SUN3: variants seen among roughly 807,000 people sequenced by gnomAD.
The protein encoded by SUN3 is SUN domain-containing protein 3.
SUN3 carries 36 observed loss-of-function variants against 48.2 expected under a neutral mutation model. That is an observed-to-expected ratio of 0.75 (90% CI 0.57 to 0.99). The LOEUF (loss-of-function observed/expected upper bound fraction) is 0.99. SUN3 is among the 50% of genes least tolerant of loss of function. The pLI is 0.00. For synonymous variants in SUN3, 148 were observed against 147.9 expected, an observed-to-expected ratio of 1.00 and a Z score of 0.00; for missense variants, 419 against 433.1, an observed-to-expected ratio of 0.97 and a Z score of 0.29.
intron 6 of SUN3, among the ~76,000 whole-genome samples, chr7:47,999,856 G>T (rs1272740728): frequency 6.6e-6 from 1 of 152,188 alleles, no homozygotes; most frequent in African/African-American, 2.4e-5. Context: ...TTCTCCATTA[G>T]CTTTTGGATA....
In SUN3 at chr7:47,999,770, A is replaced by T. The variant is rs112073323; in HGVS notation, c.578-3624T>A. The stretch of plus-strand genomic sequence containing the variant: ...GGCTGGTCTCGAACTCCTGACCTCA[A>T]TTGATCCGCCTGCCTTGGCCTCCCA... On this transcript the variant is annotated intron_variant, in intron 6 of 9. Transcript: ENST00000297325. Among the ~76,000 whole-genome samples, 455 of 152,270 alleles carry T rather than the reference A, an allele frequency of 3.0e-3. 6 individuals carry two copies. The highest frequency in any genetic ancestry group is 0.01 in the African/African-American group (424 of 41,568).
Position 48,007,351 on chromosome 7 carries a change from G to A in SUN3, c.330-24C>T, listed in dbSNP as rs768718106. The A allele has an allele frequency of 6.8e-6, 11 of 1,606,986 alleles. No homozygotes were observed. The African/African-American group carries it at 1.2e-4, about 18-fold the overall frequency. On this transcript the variant is annotated intron_variant, in intron 4 of 9. Transcript: ENST00000297325. The stretch of plus-strand genomic sequence containing the variant: ...TCCTGTAAAGGGAAAATCTCAGCAT[G>A]AGAGGAAGAAAGTGTAAAGCTCCTG...
At chr7:48,005,924 T>G in intron 6 of SUN3, 45 bp downstream of exon 6, 25 of 1,292,520 alleles carry the variant, frequency 1.9e-5, no homozygotes, top group Non-Finnish European at 2.6e-5. Context: ...TCCTGAAGCA[T>G]TCTTTTTTTT....
chr7:48,001,349 A>G (rs1562602417), intron 6 of SUN3, among the ~76,000 whole-genome samples: 1 of 151,876 alleles, frequency 6.6e-6, no homozygotes, highest in Non-Finnish European at 1.5e-5. Context: ...TTGGTTTTCT[A>G]TTCCTGTGTT....
At position 47,990,268 on chromosome 7, in the gene SUN3, A is replaced by C. The variant is rs530559313; in HGVS notation, c.862-1388T>G. Reference sequence around the variant, plus strand: ...ACCGCCTTAGGGCTGGAGGTAAGACATGCTGGCAGCAATATTGCTCTTTAA... The same window carrying C: ...ACCGCCTTAGGGCTGGAGGTAAGACCTGCTGGCAGCAATATTGCTCTTTAA... On this transcript the variant is annotated intron_variant, in intron 8 of 9. Coordinates refer to ENST00000297325, the MANE Select transcript of SUN3 (RefSeq NM_001030019.2). Among the ~76,000 whole-genome samples, 44 of 152,330 alleles carry C rather than the reference A, an allele frequency of 2.9e-4. No individual in the cohort carries two copies. In the Middle Eastern group the frequency reaches 0.014, roughly 47 times the overall value.
upstream of SUN3, among the ~76,000 whole-genome samples, chr7:48,032,175 A>G (rs12537979): frequency 0.46 from 70,339 of 152,088 alleles, 16,859 homozygotes; most frequent in African/African-American, 0.6. Context: ...AATACATTCC[A>G]GGGATCGAAT....
At chr7:48,020,988 A>G (rs1437582988) in intron 2 of SUN3, among the ~76,000 whole-genome samples, 1 of 152,170 alleles carries the variant, frequency 6.6e-6, no homozygotes, top group Non-Finnish European at 1.5e-5. Context: ...CTAAGCAAAA[A>G]GAAGAAAATT....
chr7:47,992,428 T>C (rs1014656951), intron 8 of SUN3, among the ~76,000 whole-genome samples: 1 of 152,136 alleles, frequency 6.6e-6, no homozygotes, highest in African/African-American at 2.4e-5. Context: ...GGAATATGTA[T>C]AGAAACAAGA....
chr7:47,989,028 A>G (rs2128768741), intron 8 of SUN3, 148 bp from the exon 9 acceptor site: 1 of 487,474 alleles, frequency 2.1e-6, no homozygotes, highest in Non-Finnish European at 3.7e-6. Context: ...CACCCAGAGG[A>G]TATTTAACAA....
At chr7:48,005,858 C>CT (rs957879009) in intron 6 of SUN3, 111 bp downstream of exon 6, 15 of 549,580 alleles carry the variant, frequency 2.7e-5, no homozygotes, top group African/African-American at 1.2e-4. Context: ...TTTCCCCCCC[C>CT]CAAGTTACCA....
At chr7:48,014,997 C>T (rs1789773109) in intron 3 of SUN3, among the ~76,000 whole-genome samples, 2 of 152,254 alleles carry the variant, frequency 1.3e-5, no homozygotes, top group South Asian at 2.1e-4. Context: ...TGTATTTAGT[C>T]TATAGATTTA....
chr7:48,028,167 G>T (rs980772560), intron 1 of SUN3, among the ~76,000 whole-genome samples: 2 of 151,838 alleles, frequency 1.3e-5, no homozygotes, highest in Non-Finnish European at 2.9e-5. Flanking sequence ...TGACAGTTTT[G>T]TTCTGTGCAA....
At chr7:47,998,377 T>A (rs1789269221) in intron 6 of SUN3, among the ~76,000 whole-genome samples, 1 of 152,246 alleles carries the variant, frequency 6.6e-6, no homozygotes. Context: ...TTTAATGAAG[T>A]GTCTTCCAAA....
intron 2 of SUN3, among the ~76,000 whole-genome samples, chr7:48,017,626 A>C (rs1789849298): frequency 6.6e-6 from 1 of 152,226 alleles, no homozygotes; most frequent in Non-Finnish European, 1.5e-5. Context: ...CAGCAGCCAG[A>C]TAACTAAGGA....
chr7:47,990,709 CT>C (rs1451175024), intron 8 of SUN3, among the ~76,000 whole-genome samples: 2 of 151,934 alleles, frequency 1.3e-5, no homozygotes, highest in East Asian at 3.9e-4. Context: ...TTATTTCTAC[CT>C]CCTTTATCAC....
intron 2 of SUN3, among the ~76,000 whole-genome samples, chr7:48,020,436 A>G (rs780676931): frequency 1.3e-5 from 2 of 152,226 alleles, no homozygotes; most frequent in Non-Finnish European, 2.9e-5. Context: ...CACCACTGCT[A>G]TTCAACATAG....
intron 5 of SUN3, 150 bp downstream of exon 5, chr7:48,007,015 T>TA: frequency 1.4e-6 from 1 of 700,988 alleles, no homozygotes; most frequent in Non-Finnish European, 2.2e-6. Flanking sequence ...TGGGTTTCTG[T>TA]ACACAAACCA....
intron 6 of SUN3, among the ~76,000 whole-genome samples, chr7:47,998,126 T>G (rs2128772372): frequency 6.6e-6 from 1 of 152,344 alleles, no homozygotes. Flanking sequence ...GGTGTTATAT[T>G]GAACTTCATA....
Position 48,009,054 on chromosome 7 carries a change from C to CT in SUN3, c.309dup (p.Glu104ArgfsTer44). ...ACTCACTTTAAAAGTTCCAGTTGCT[C>CT]TTTAGGCATACGAAGTCTGGCCTGA... On this transcript the variant is annotated frameshift_variant, in exon 4 of 10. Transcript: ENST00000297325. LOFTEE classifies it high-confidence loss of function. The CT allele has an allele frequency of 6.2e-7, 1 of 1,612,416 alleles. No homozygotes were observed. Among genetic ancestry groups the CT allele is most frequent in the Non-Finnish European group, 8.5e-7 (1 of 1,179,428 alleles).
Sources: gnomAD v4.1 joint callset for allele counts (sites outside exome capture counted in the v4.1 genomes callset) on GRCh38, gnomAD v4.1.1 for gene constraint, MANE v1.5 for transcripts, NCBI Gene and HGNC (gene_info 2026-07-23, HGNC 2026-07-21) for gene names.